Variants in MRTFB observed in about 807,000 individuals in gnomAD.
MRTFB encodes myocardin related transcription factor B, also known as myocardin-related transcription factor B.
MRTFB carries 29 observed loss-of-function variants against 104.2 expected under a neutral mutation model. The observed-to-expected ratio is 0.28, with a 90% CI of 0.21 to 0.38. The LOEUF (loss-of-function observed/expected upper bound fraction) is 0.38. Among genes scored for constraint, MRTFB ranks in the 10% least tolerant of loss-of-function variants. The pLI is 1.00. For missense variants in MRTFB, 1,270 were observed against 1,341.6 expected (o/e 0.95, Z 0.83); for synonymous variants, 535 against 519.5 (o/e 1.03, Z -0.41).
chr16:14,225,218 C>G (rs1597303463), intron 8 of MRTFB, among the ~76,000 whole-genome samples: 2 of 152,024 alleles, frequency 1.3e-5, no homozygotes, highest in South Asian at 4.1e-4. Flanking sequence ...AATACATGGA[C>G]AAATATTAAA....
chr16:14,181,625 TA>T (rs1213001013), intron 3 of MRTFB, among the ~76,000 whole-genome samples: 1 of 152,264 alleles, frequency 6.6e-6, no homozygotes, highest in Non-Finnish European at 1.5e-5. Flanking sequence ...CATTTGTTAC[TA>T]ATTATTTTAT....
chr16:14,023,927 TG>T, the MRTFB span, among the ~76,000 whole-genome samples: 1 of 151,968 alleles, frequency 6.6e-6, no homozygotes, highest in Admixed American at 6.6e-5. Context: ...GGTGCACACC[TG>T]TAATCCCAGC....
the MRTFB span, among the ~76,000 whole-genome samples, chr16:14,031,987 T>C: frequency 6.6e-6 from 1 of 152,214 alleles, no homozygotes; most frequent in Non-Finnish European, 1.5e-5. Flanking sequence ...TTTATATTTT[T>C]AGTAGAGACA....
chr16:14,195,525 A>C, intron 3 of MRTFB: 1 of 985,462 alleles, frequency 1.0e-6, no homozygotes, highest in Non-Finnish European at 1.2e-6. Context: ...TGGAAAGGAA[A>C]ACCGAGATAC....
chr16:14,135,322 A>G (rs2037654002), intron 2 of MRTFB, among the ~76,000 whole-genome samples: 1 of 152,230 alleles, frequency 6.6e-6, no homozygotes, highest in African/African-American at 2.4e-5. Context: ...CATGCACCAC[A>G]TAACATTGGT....
chr16:14,094,626 C>T (rs760976584), intron 2 of MRTFB, among the ~76,000 whole-genome samples: 1 of 152,118 alleles, frequency 6.6e-6, no homozygotes, highest in Non-Finnish European at 1.5e-5. Context: ...TAAGTTTCAC[C>T]CTGCATCTCA....
chr16:14,140,446 A>G (rs2037936471), intron 2 of MRTFB, 98 bp from the exon 3 acceptor site: 1 of 831,304 alleles, frequency 1.2e-6, no homozygotes, highest in Admixed American at 2.8e-5. Flanking sequence ...ATACAGCAGT[A>G]AAACTGGACT....
chr16:14,052,055 T>C, the MRTFB span, among the ~76,000 whole-genome samples: 301 of 152,234 alleles, frequency 2.0e-3, 1 homozygote, highest in South Asian at 5.8e-3. Flanking sequence ...TCCCCATCCA[T>C]GTGAAGCGCG....
At chr16:14,254,585 G>A (rs76669517) in intron 15 of MRTFB, among the ~76,000 whole-genome samples, 2,978 of 152,334 alleles carry the variant, frequency 0.02, 113 homozygotes, top group African/African-American at 0.068. Context: ...AGCCATACAG[G>A]CGTGGAATGG....
At chr16:14,032,792 T>A in the MRTFB span, among the ~76,000 whole-genome samples, 1 of 152,050 alleles carries the variant, frequency 6.6e-6, no homozygotes, top group Non-Finnish European at 1.5e-5. Flanking sequence ...CTGCAGAGAT[T>A]TGGAGAATTG....
chr16:14,072,903 CGAAG>C (rs1425809115), intron 1 of MRTFB, among the ~76,000 whole-genome samples: 1 of 152,054 alleles, frequency 6.6e-6, no homozygotes, highest in Non-Finnish European at 1.5e-5. Flanking sequence ...GTCACACACT[CGAAG>C]GGACAATACT....
At position 14,246,711 on chromosome 16, in the gene MRTFB, A is replaced by G; in HGVS notation, c.1451A>G (p.Glu484Gly). ...AGCTCAGTCTCTACTCTCAAGGCAG[A>G]ATTGCCACCTACAGGAACCAGCAAC... ...VTSSVSTLKA[E>G]LPPTGTSNAT... is the part of the protein sequence containing the mutation. The change falls in exon 12 of 17, where the codon GAA becomes GGA. Residue 484 changes from glutamate (E) to glycine (G), a missense_variant. This residue lies in a region of MRTFB where 1,144 missense variants were observed against 1,131.5 expected (regional missense o/e 1.01). Transcript: ENST00000571589. The G allele has an allele frequency of 6.2e-7, 1 of 1,614,228 alleles. No homozygotes were observed. The highest frequency in any genetic ancestry group is 8.5e-7 in the Non-Finnish European group (1 of 1,180,040).
chr16:14,213,007 T>G (rs2041260273), intron 5 of MRTFB, among the ~76,000 whole-genome samples: 1 of 152,240 alleles, frequency 6.6e-6, no homozygotes, highest in African/African-American at 2.4e-5. Flanking sequence ...AAAATAAACA[T>G]ATTCCAAAAT....
At chr16:14,049,327 A>G in the MRTFB span, among the ~76,000 whole-genome samples, 3 of 152,374 alleles carry the variant, frequency 2.0e-5, no homozygotes, top group East Asian at 5.8e-4. Context: ...CTAAATAAGA[A>G]GCCAGTGTCA....
chr16:14,107,510 TAAGAACACTA>T (rs2036044846), intron 2 of MRTFB, among the ~76,000 whole-genome samples: 1 of 152,174 alleles, frequency 6.6e-6, no homozygotes, highest in Non-Finnish European at 1.5e-5. Flanking sequence ...ATACAAGGTT[TAAGAACACTA>T]GGCATAGAAT....
the MRTFB span, among the ~76,000 whole-genome samples, chr16:14,006,866 A>T: frequency 1.3e-5 from 2 of 151,934 alleles, no homozygotes; most frequent in Non-Finnish European, 2.9e-5. Context: ...AAATAAACAA[A>T]ATTAGCTGGG....
intron 2 of MRTFB, among the ~76,000 whole-genome samples, chr16:14,081,768 G>T (rs991874576): frequency 3.3e-4 from 50 of 150,836 alleles, no homozygotes; most frequent in African/African-American, 1.2e-3. Flanking sequence ...TTTTTGTGTA[G>T]ACAGTGTCTC....
intron 1 of MRTFB, among the ~76,000 whole-genome samples, chr16:14,076,955 C>G (rs1298145989): frequency 2.0e-5 from 3 of 152,122 alleles, no homozygotes; most frequent in Non-Finnish European, 4.4e-5. Context: ...TCTGTTCATA[C>G]CCTTTGCACA....
At chr16:14,260,806 A>G (rs1294561522) in intron 16 of MRTFB, 103 bp from the exon 17 acceptor site, 1 of 964,048 alleles carries the variant, frequency 1.0e-6, no homozygotes, top group Non-Finnish European at 1.5e-6. Flanking sequence ...GGACGTGCAT[A>G]GAAGGAATCG....
Sources: allele counts gnomAD v4.1 joint callset (sites outside exome capture counted in the v4.1 genomes callset), GRCh38; gene constraint gnomAD v4.1.1; regional missense constraint gnomAD v4.1.1; transcripts MANE v1.5; gene names NCBI Gene and HGNC (gene_info 2026-07-23, HGNC 2026-07-21).